The following MMP16 variants were observed in gnomAD, a reference collection of about 807,000 sequenced individuals.
MMP16 encodes the protein matrix metalloproteinase-16.
Under a neutral mutation model 67.8 loss-of-function variants are expected in MMP16, and 12 were observed. The observed-to-expected ratio is 0.18, with a 90% CI of 0.11 to 0.29. The LOEUF (loss-of-function observed/expected upper bound fraction) is 0.29. Among genes scored for constraint, MMP16 ranks in the 10% least tolerant of loss-of-function variants. MMP16 has a pLI of 1.00. For missense variants in MMP16, 475 were observed against 765.7 expected (o/e 0.62, Z 4.48); for synonymous variants, 249 against 255.9 (o/e 0.97, Z 0.26).
chr8:88,292,615 T>G (rs1177997707), intron 1 of MMP16, among the ~76,000 whole-genome samples: 1 of 152,182 alleles, frequency 6.6e-6, no homozygotes, highest in Non-Finnish European at 1.5e-5. Flanking sequence ...CTCTATGAGA[T>G]AACGATCACT....
chr8:88,187,258 T>C (rs1809089791), intron 2 of MMP16, among the ~76,000 whole-genome samples: 1 of 152,196 alleles, frequency 6.6e-6, no homozygotes, highest in African/African-American at 2.4e-5. Context: ...TAAGGTTTGA[T>C]GTACTTAAAT....
intron 1 of MMP16, among the ~76,000 whole-genome samples, chr8:88,199,166 T>C (rs1519935): frequency 0.97 from 148,272 of 152,108 alleles, 72,383 homozygotes; most frequent in East Asian, 1. Context: ...CAGGCAATTA[T>C]GTTTATGAGG....
At chr8:88,195,763 T>C (rs538603578) in intron 2 of MMP16, among the ~76,000 whole-genome samples, 7 of 152,308 alleles carry the variant, frequency 4.6e-5, no homozygotes, top group Non-Finnish European at 8.8e-5. Context: ...TTATTCTTGA[T>C]TCTGTTTTCC....
chr8:88,327,009 G>A (rs2130240982), intron 1 of MMP16, 66 bp downstream of exon 1: 9 of 1,600,374 alleles, frequency 5.6e-6, no homozygotes, highest in Non-Finnish European at 7.7e-6. Flanking sequence ...GATCCCAGGA[G>A]TGAAGGAAAT....
chr8:88,245,134 T>C (rs1171951752), intron 1 of MMP16, among the ~76,000 whole-genome samples: 1 of 152,212 alleles, frequency 6.6e-6, no homozygotes, highest in Non-Finnish European at 1.5e-5. Flanking sequence ...TGAATTGTTT[T>C]CTAACTATGG....
At chr8:88,084,852 G>T (rs1217159692) in intron 6 of MMP16, among the ~76,000 whole-genome samples, 2 of 151,846 alleles carry the variant, frequency 1.3e-5, no homozygotes, top group African/African-American at 4.8e-5. Flanking sequence ...TTTGTGATGG[G>T]TAAATACTAT....
intron 6 of MMP16, among the ~76,000 whole-genome samples, chr8:88,087,550 T>A (rs1808855034): frequency 6.6e-6 from 1 of 151,886 alleles, no homozygotes; most frequent in Non-Finnish European, 1.5e-5. Flanking sequence ...TGGTCTTCAA[T>A]CAGACATGTT....
At chr8:88,283,096 A>ATTCT (rs1810766978) in intron 1 of MMP16, among the ~76,000 whole-genome samples, 1 of 152,146 alleles carries the variant, frequency 6.6e-6, no homozygotes, top group Non-Finnish European at 1.5e-5. Flanking sequence ...ATTAGTGGAC[A>ATTCT]ACACATTCTG....
intron 1 of MMP16, among the ~76,000 whole-genome samples, chr8:88,295,471 T>C (rs1810997200): frequency 6.6e-6 from 1 of 152,174 alleles, no homozygotes; most frequent in Non-Finnish European, 1.5e-5. Flanking sequence ...GTAATCTGTA[T>C]TTACAGGTTG....
At chr8:88,212,508 C>T (rs1029237699) in intron 1 of MMP16, among the ~76,000 whole-genome samples, 1 of 152,030 alleles carries the variant, frequency 6.6e-6, no homozygotes, top group African/African-American at 2.4e-5. Context: ...ATCTAAAGAA[C>T]ATATGACAAA....
intron 1 of MMP16, among the ~76,000 whole-genome samples, chr8:88,227,935 AC>A (rs60802439): frequency 2.5e-3 from 387 of 152,238 alleles, no homozygotes; most frequent in African/African-American, 8.8e-3. Context: ...AATATCATTA[AC>A]AGCAAATGGA....
chr8:88,244,139 C>T (rs749187948), intron 1 of MMP16, among the ~76,000 whole-genome samples: 1 of 151,884 alleles, frequency 6.6e-6, no homozygotes, highest in Non-Finnish European at 1.5e-5. Context: ...TAATCACAAA[C>T]GGTTCTTTGG....
intron 1 of MMP16, among the ~76,000 whole-genome samples, chr8:88,215,321 A>G (rs1809573932): frequency 7.0e-6 from 1 of 143,064 alleles, no homozygotes; most frequent in Admixed American, 7.1e-5. Context: ...GACTCTGTCT[A>G]AAAAAAAAAA....
intron 4 of MMP16, among the ~76,000 whole-genome samples, chr8:88,159,875 A>G (rs1808583660): frequency 6.6e-6 from 1 of 152,048 alleles, no homozygotes; most frequent in East Asian, 1.9e-4. Flanking sequence ...CCTTTTCTGC[A>G]TCTATTGAGA....
At chr8:88,082,030 G>A (rs2118311566) in intron 6 of MMP16, among the ~76,000 whole-genome samples, 1 of 152,190 alleles carries the variant, frequency 6.6e-6, no homozygotes, top group East Asian at 1.9e-4. Context: ...GAGAAAATAT[G>A]TGTATCCCAG....
intron 1 of MMP16, among the ~76,000 whole-genome samples, chr8:88,213,021 T>C (rs761647044): frequency 6.6e-6 from 1 of 152,138 alleles, no homozygotes; most frequent in Non-Finnish European, 1.5e-5. Context: ...AATATGAAAA[T>C]TGAGAGGCAA....
intron 4 of MMP16, among the ~76,000 whole-genome samples, chr8:88,134,078 T>A (rs911893523): frequency 6.6e-6 from 1 of 151,786 alleles, no homozygotes; most frequent in Non-Finnish European, 1.5e-5. Flanking sequence ...TGTAGAGAGA[T>A]GTAAAACACT....
At chr8:88,081,387 T>G (rs1808748879) in intron 6 of MMP16, among the ~76,000 whole-genome samples, 1 of 152,122 alleles carries the variant, frequency 6.6e-6, no homozygotes, top group African/African-American at 2.4e-5. Context: ...ATTTCTTACT[T>G]AAAGTTTTTT....
intron 1 of MMP16, among the ~76,000 whole-genome samples, chr8:88,325,008 A>C (rs73692228): frequency 2.0e-5 from 3 of 152,190 alleles, no homozygotes; most frequent in Non-Finnish European, 4.4e-5. Context: ...CCATTTTATT[A>C]AGCAAGATTT....
Sources: gnomAD v4.1 joint callset for allele counts (sites outside exome capture counted in the v4.1 genomes callset) on GRCh38, gnomAD v4.1.1 for gene constraint, MANE v1.5 for transcripts, NCBI Gene and HGNC (gene_info 2026-07-23, HGNC 2026-07-21) for gene names.